Variants in FBLN1 observed in about 807,000 individuals in gnomAD.
FBLN1 encodes fibulin-1.
A neutral mutation model predicts 89.7 loss-of-function variants in FBLN1; 34 were observed. The observed-to-expected ratio is 0.38, with a 90% CI of 0.29 to 0.50. The LOEUF (loss-of-function observed/expected upper bound fraction) is 0.50. Among genes scored for constraint, FBLN1 ranks in the 20% least tolerant of loss-of-function variants. The pLI is 0.92. For synonymous variants in FBLN1, 393 were observed against 391.3 expected (o/e 1.00, Z -0.05); for missense variants, 777 against 988.1 (o/e 0.79, Z 2.86).
chr22:45,529,109 C>T (rs6007079), intron 4 of FBLN1, among the ~76,000 whole-genome samples: 23,531 of 152,186 alleles, frequency 0.15, 2,383 homozygotes, highest in African/African-American at 0.29. Flanking sequence ...GGCCTTGCTC[C>T]CACTTCTTGG....
rs574736553 is a variant in FBLN1 at position 45,580,598 on chromosome 22, G to C, written c.1972+3490G>C. Among the ~76,000 whole-genome samples the C allele has an allele frequency of 1.4e-4, 21 of 152,340 alleles. No individual in the cohort carries two copies. The highest frequency in any genetic ancestry group is 4.6e-4 in the African/African-American group (19 of 41,586). On this transcript the variant is annotated intron_variant, in intron 16 of 16. Coordinates refer to ENST00000327858, the MANE Select transcript of FBLN1 (RefSeq NM_006486.3). The surrounding 1 kb of genome is among the most constrained non-coding windows in gnomAD (Gnocchi z 8.6). ...GCCAGAGAGGGCAAGAGATTTGCCC[G>C]AGGCCACTCAGAGCTGGGGCCAGAG...
Position 45,525,220 on chromosome 22 carries a change from A to AAAAAG in FBLN1, c.186-309_186-305dup, listed in dbSNP as rs1049200695. 3.0e-4 allele frequency among the ~76,000 whole-genome samples: 45 copies of AAAAAG among 152,264 alleles called. 1 individual carries two copies. Among genetic ancestry groups the AAAAAG allele is most frequent in the African/African-American group, 9.4e-4 (39 of 41,560 alleles). On this transcript the variant is annotated intron_variant, in intron 2 of 16. Transcript: ENST00000327858. ...GAAAGAGAGAAAGAAAGAAAGAGAG[A>AAAAAG]AAAAGAAAAGAAAAGAAAGAAAGAG...
At chr22:45,534,017 C>T (rs534487657) in intron 7 of FBLN1, 119 bp downstream of exon 7, 137 of 1,365,958 alleles carry the variant, frequency 1.0e-4, no homozygotes, top group African/African-American at 1.6e-4. Context: ...GCTGCCTGGG[C>T]GACTGCCTGC....
rs371044843 is a variant in FBLN1, at chr22:45,504,541, GT to G, written c.79+1478del. Among the ~76,000 whole-genome samples the G allele has an allele frequency of 4.5e-3, 681 of 152,162 alleles. 1 individual carries two copies. The highest frequency in any genetic ancestry group is 0.016 in the African/African-American group (658 of 41,520). ...CCGAGGGGCCCTGGGTGATGGGTGG[GT>G]GGGACATCCGAGACTCCTGTTAGAA... On this transcript the variant is annotated intron_variant, in intron 1 of 16. Transcript: ENST00000327858.
intron 14 of FBLN1, among the ~76,000 whole-genome samples, chr22:45,555,296 G>GGAATATATATATATATATATATAAAATA: frequency 7.2e-6 from 1 of 138,596 alleles, no homozygotes; most frequent in African/African-American, 2.9e-5. Flanking sequence ...TATATAAAAT[G>GGAATATATATATATATATATATAAAATA]GAATATATAT....
intron 2 of FBLN1, among the ~76,000 whole-genome samples, chr22:45,524,016 T>C (rs2088286788): frequency 6.6e-6 from 1 of 152,214 alleles, no homozygotes; most frequent in African/African-American, 2.4e-5. Flanking sequence ...GGCAGTTTAG[T>C]GAAACGCCGT....
At position 45,563,321 on chromosome 22, in the gene FBLN1, C is replaced by A; in HGVS notation, c.1698-11190C>A. ...CCTGTTGCTTTCCTAACCCTGCCCTCCGGGGCGTTAATAAAGTCTTAGCAA... is the reference window on the plus strand; with the variant it reads ...CCTGTTGCTTTCCTAACCCTGCCCTACGGGGCGTTAATAAAGTCTTAGCAA... On this transcript the variant is annotated intron_variant, in intron 14 of 16. Coordinates refer to ENST00000327858, the MANE Select transcript of FBLN1 (RefSeq NM_006486.3). The surrounding 1 kb of genome is among the most constrained non-coding windows in gnomAD (Gnocchi z 5.7). 6.2e-7 allele frequency: 1 copy of A among 1,611,196 alleles called. No individual in the cohort carries two copies. The highest frequency in any genetic ancestry group is 1.1e-5 in the South Asian group (1 of 90,956).
intron 16 of FBLN1, among the ~76,000 whole-genome samples, chr22:45,596,014 C>T (rs899939676): frequency 6.6e-6 from 1 of 152,156 alleles, no homozygotes; most frequent in Non-Finnish European, 1.5e-5. Context: ...GGACTGCAGG[C>T]GTGTCCCACC....
At chr22:45,503,567 C>T (rs1334902266) in intron 1 of FBLN1, 1 of 152,346 alleles carries the variant, frequency 6.6e-6, no homozygotes, top group African/African-American at 2.4e-5. Context: ...CCCCAGGAGA[C>T]ACTAGCGGTC....
Position 45,535,108 on chromosome 22 carries a change from A to C in FBLN1, c.785-92A>C. ...TTGGGTTATAGTCTGAGTAATGCGC[A>C]TTAGAAAAAAGCTTTCTTGTGATTT... is the stretch of plus-strand genomic sequence containing the variant. On this transcript the variant is annotated intron_variant, in intron 7 of 16. Transcript: ENST00000327858. The C allele has an allele frequency of 2.7e-6, 4 of 1,458,834 alleles. No homozygotes were observed. In the South Asian group the frequency reaches 3.4e-5, roughly 13 times the overall value. 90.4% of individuals were successfully genotyped at this position (1,458,834 alleles called of 1,614,324 possible).
intron 1 of FBLN1, chr22:45,517,320 A>T (rs996416911): frequency 3.1e-6 from 1 of 324,962 alleles, no homozygotes; most frequent in Non-Finnish European, 6.1e-6. Flanking sequence ...TGTCGTGCTA[A>T]TGCTTTCTGG....
chr22:45,574,688 C>CT lies in FBLN1; in HGVS notation c.1840+36dup. The CT allele has an allele frequency of 6.2e-7, 1 of 1,602,782 alleles. No homozygotes were observed. The highest frequency in any genetic ancestry group is 8.5e-7 in the Non-Finnish European group (1 of 1,174,824). On this transcript the variant is annotated intron_variant, in intron 15 of 16. Transcript: ENST00000327858. This position sits in a 1 kb window ranked among gnomAD's most constrained non-coding sequence, Gnocchi z 4.1. ...ATGGGTGTGGGGGTCCCAGGGCCCC[C>CT]TAGGGCCTCCCTCGGCTTCAGCTGA...
At chr22:45,519,191 C>T (rs986321720) in intron 2 of FBLN1, among the ~76,000 whole-genome samples, 4 of 152,190 alleles carry the variant, frequency 2.6e-5, no homozygotes, top group Non-Finnish European at 4.4e-5. Flanking sequence ...GCCAATGAGC[C>T]GGCGCAGAGT....
In FBLN1 at chr22:45,550,832, C is replaced by T. The variant is rs1183915674; in HGVS notation, c.1697+217C>T. ...GGGTAACTGCAAATGAGTCTGGGGT[C>T]TATAGTCATGTTTTCAGGCCAAGGC... On this transcript the variant is annotated intron_variant, in intron 14 of 16. Transcript: ENST00000327858. The surrounding 1 kb of genome is among the most constrained non-coding windows in gnomAD (Gnocchi z 8.4). The T allele has an allele frequency of 1.5e-6, 1 of 647,996 alleles. No homozygotes were observed. Among genetic ancestry groups the T allele is most frequent in the East Asian group, 2.8e-5 (1 of 35,528 alleles). The allele number at this position is 647,996 out of a possible 1,614,324, so 40.1% of individuals were successfully genotyped here.
rs2088851362 is a variant in FBLN1 at position 45,561,612 on chromosome 22, A to G, written c.1697+10997A>G. On this transcript the variant is annotated intron_variant, in intron 14 of 16. Transcript: ENST00000327858. The surrounding 1 kb of genome is among the most constrained non-coding windows in gnomAD (Gnocchi z 4.7). ...AATCGTTAACCAGCCAACCCCAGAA[A>G]CCCCAAAACCAATGAAAGAACTCCA... Among the ~76,000 whole-genome samples, 2 of 152,062 alleles carry G rather than the reference A, an allele frequency of 1.3e-5. No homozygotes were observed. Among genetic ancestry groups the G allele is most frequent in the Admixed American group, 1.3e-4 (2 of 15,262 alleles).
rs1308860911 is a variant in FBLN1, at chr22:45,568,650, GAA to G, written c.1698-5860_1698-5859del. Among the ~76,000 whole-genome samples the G allele has an allele frequency of 1.3e-3, 123 of 95,748 alleles. 16 individuals are homozygous for G. Among genetic ancestry groups the G allele is most frequent in the African/African-American group, 6.4e-3 (111 of 17,468 alleles). The allele number at this position is 95,748 out of a possible 152,430, so 62.8% of individuals were successfully genotyped here. A position where few individuals can be genotyped will look rare whatever the true frequency, so the allele number is the denominator to read the frequency against. ...GTAAGGGAATGCCTCTTCTGTGGGA[GAA>G]TGCTCCTTCTGTAGGGGAATGCCTC... On this transcript the variant is annotated intron_variant, in intron 14 of 16. Coordinates refer to ENST00000327858, the MANE Select transcript of FBLN1 (RefSeq NM_006486.3).
Position 45,600,556 on chromosome 22 carries a change from T to G in FBLN1, c.*110T>G. On this transcript the variant is annotated 3_prime_UTR_variant, in exon 17 of 17. Coordinates refer to ENST00000327858, the MANE Select transcript of FBLN1 (RefSeq NM_006486.3). The stretch of plus-strand genomic sequence containing the variant: ...TCAGACTTTTTTAATGTTAGGTATT[T>G]GTAGCATTAGGCCAACATGTATTAA... The G allele has an allele frequency of 7.9e-7, 1 of 1,269,168 alleles. No individual in the cohort carries two copies. The allele number at this position is 1,269,168 out of a possible 1,614,324, so 78.6% of individuals were successfully genotyped here. A position where few individuals can be genotyped will look rare whatever the true frequency, so the allele number is the denominator to read the frequency against.
intron 16 of FBLN1, among the ~76,000 whole-genome samples, chr22:45,586,189 C>A (rs2089084060): frequency 6.6e-6 from 1 of 152,240 alleles, no homozygotes; most frequent in African/African-American, 2.4e-5. Context: ...GAGCTCAAGG[C>A]CTCAGCCCCA....
At chr22:45,533,620 A>G (rs2146969473) in intron 6 of FBLN1, 141 bp from the exon 7 acceptor site, 1 of 889,200 alleles carries the variant, frequency 1.1e-6, no homozygotes. Flanking sequence ...CACAGCCCGG[A>G]TGTGCACATG....
Sources: gnomAD v4.1 joint callset for allele counts (sites outside exome capture counted in the v4.1 genomes callset) on GRCh38, gnomAD v4.1.1 for gene constraint, Gnocchi (gnomAD v3.1) non-coding constraint, MANE v1.5 for transcripts, NCBI Gene and HGNC (gene_info 2026-07-23, HGNC 2026-07-21) for gene names.